RNGTT: variants seen among roughly 807,000 people sequenced by gnomAD.
RNGTT encodes the protein RNA guanylyltransferase and 5'-phosphatase, also known as mRNA-capping enzyme.
Under a neutral mutation model 79.3 loss-of-function variants are expected in RNGTT, and 33 were observed. That is an observed-to-expected ratio of 0.42 (90% CI 0.32 to 0.56). The LOEUF is 0.56. Ranked by LOEUF, RNGTT falls within the 20% of genes least tolerant of loss-of-function variation. The probability of loss-of-function intolerance (pLI) is 0.17; values close to 1 mark genes in which losing one functional copy is unlikely to be tolerated. For missense variants in RNGTT, 497 were observed against 739.1 expected (o/e 0.67, Z 3.80); for synonymous variants, 222 against 235.9 (o/e 0.94, Z 0.54).
At chr6:88,648,964 T>TAA (rs1223891983) in intron 14 of RNGTT, among the ~76,000 whole-genome samples, 3 of 152,174 alleles carry the variant, frequency 2.0e-5, no homozygotes, top group Admixed American at 2.0e-4. Context: ...ACATATGCAG[T>TAA]AAGTCCTAAC....
intron 8 of RNGTT, among the ~76,000 whole-genome samples, chr6:88,856,899 TATTA>T (rs1334578948): frequency 6.6e-6 from 1 of 152,160 alleles, no homozygotes; most frequent in Non-Finnish European, 1.5e-5. Flanking sequence ...TATAATTTCT[TATTA>T]ATTAGGAAAT....
chr6:88,914,560 T>A (rs1783937876), intron 4 of RNGTT, among the ~76,000 whole-genome samples: 1 of 151,974 alleles, frequency 6.6e-6, no homozygotes, highest in Non-Finnish European at 1.5e-5. Flanking sequence ...TTCGATAAAG[T>A]GTGCTAGGAA....
chr6:88,802,802 G>A (rs771582909), intron 11 of RNGTT, among the ~76,000 whole-genome samples: 1 of 152,140 alleles, frequency 6.6e-6, no homozygotes, highest in Non-Finnish European at 1.5e-5. Flanking sequence ...AACAGCATGG[G>A]GGGAAATAGC....
chr6:88,952,470 C>G (rs1785283446), intron 1 of RNGTT, among the ~76,000 whole-genome samples: 1 of 152,214 alleles, frequency 6.6e-6, no homozygotes, highest in African/African-American at 2.4e-5. Flanking sequence ...AGCTAGTGCT[C>G]TCTTGAAAGC....
At chr6:88,916,155 T>C (rs1783992271) in intron 4 of RNGTT, among the ~76,000 whole-genome samples, 1 of 152,216 alleles carries the variant, frequency 6.6e-6, no homozygotes, top group African/African-American at 2.4e-5. Context: ...CCTCATACTG[T>C]GGTTTTACCA....
intron 13 of RNGTT, among the ~76,000 whole-genome samples, chr6:88,731,470 T>A (rs1777113971): frequency 6.6e-6 from 1 of 152,186 alleles, no homozygotes; most frequent in Non-Finnish European, 1.5e-5. Context: ...ATAGTGATTT[T>A]AAAGTAACAA....
intron 12 of RNGTT, among the ~76,000 whole-genome samples, chr6:88,783,985 T>C (rs1441120552): frequency 2.6e-5 from 4 of 151,910 alleles, no homozygotes; most frequent in Non-Finnish European, 5.9e-5. Flanking sequence ...ATAAAGATAA[T>C]GGGGGTTTCA....
At chr6:88,622,635 T>A (rs1772479707) in intron 14 of RNGTT, among the ~76,000 whole-genome samples, 1 of 152,134 alleles carries the variant, frequency 6.6e-6, no homozygotes, top group Admixed American at 6.6e-5. Context: ...GCTAACTACT[T>A]CTCTTTTAAA....
intron 13 of RNGTT, among the ~76,000 whole-genome samples, chr6:88,742,461 T>C (rs1421422051): frequency 6.6e-6 from 1 of 152,242 alleles, no homozygotes; most frequent in Non-Finnish European, 1.5e-5. Context: ...CAAGTTAACA[T>C]ATCATGATAG....
At chr6:88,616,007 C>G (rs1371773760) in intron 14 of RNGTT, among the ~76,000 whole-genome samples, 1 of 152,198 alleles carries the variant, frequency 6.6e-6, no homozygotes, top group Non-Finnish European at 1.5e-5. Context: ...CCCCCTTCCC[C>G]TCTACCCAGA....
At chr6:88,826,279 T>C (rs934382189) in intron 11 of RNGTT, among the ~76,000 whole-genome samples, 1 of 152,162 alleles carries the variant, frequency 6.6e-6, no homozygotes, top group Non-Finnish European at 1.5e-5. Context: ...CCATCACCAA[T>C]TGTGTACTAG....
intron 13 of RNGTT, among the ~76,000 whole-genome samples, chr6:88,707,276 A>G (rs1776158837): frequency 6.6e-6 from 1 of 152,064 alleles, no homozygotes; most frequent in Admixed American, 6.6e-5. Flanking sequence ...CACTGTGTGA[A>G]GAAAAAAAAA....
intron 13 of RNGTT, among the ~76,000 whole-genome samples, chr6:88,759,575 C>T (rs2127835080): frequency 6.6e-6 from 1 of 152,160 alleles, no homozygotes; most frequent in Admixed American, 6.5e-5. Flanking sequence ...CATATATATT[C>T]AAATATTTTA....
chr6:88,643,804 C>T (rs958877353), intron 14 of RNGTT, among the ~76,000 whole-genome samples: 2 of 152,106 alleles, frequency 1.3e-5, no homozygotes, highest in East Asian at 1.9e-4. Context: ...TTGAAACCAA[C>T]GCGAACAAAG....
chr6:88,870,511 C>CA (rs751016965), intron 8 of RNGTT, among the ~76,000 whole-genome samples: 6,110 of 91,688 alleles, frequency 0.067, 159 homozygotes, highest in African/African-American at 0.11. Flanking sequence ...CAATTAAGAG[C>CA]AAAAAAAAAA....
intron 12 of RNGTT, among the ~76,000 whole-genome samples, chr6:88,785,858 G>A (rs891355435): frequency 7.9e-5 from 12 of 152,076 alleles, no homozygotes; most frequent in Admixed American, 6.5e-5. Flanking sequence ...TCAAAAGAAT[G>A]CAATATTAAA....
chr6:88,922,266 T>C (rs1188386912), intron 4 of RNGTT, among the ~76,000 whole-genome samples: 1 of 151,964 alleles, frequency 6.6e-6, no homozygotes. Flanking sequence ...TACATATTTA[T>C]GGGGTAGAGT....
At chr6:88,888,496 G>A (rs934810565) in intron 8 of RNGTT, among the ~76,000 whole-genome samples, 1 of 152,122 alleles carries the variant, frequency 6.6e-6, no homozygotes, top group Non-Finnish European at 1.5e-5. Flanking sequence ...ACAGGGAAGG[G>A]TGCAGAATGG....
intron 13 of RNGTT, among the ~76,000 whole-genome samples, chr6:88,737,981 T>C (rs542004572): frequency 6.6e-6 from 1 of 152,314 alleles, no homozygotes. Flanking sequence ...CTTCACATAG[T>C]GATTTCCTTC....
Sources: gnomAD v4.1 joint callset for allele counts (sites outside exome capture counted in the v4.1 genomes callset) on GRCh38, gnomAD v4.1.1 for gene constraint, MANE v1.5 for transcripts, NCBI Gene and HGNC (gene_info 2026-07-23, HGNC 2026-07-21) for gene names.